The following TMTC1 variants were observed in gnomAD, a reference collection of about 807,000 sequenced individuals.
The protein encoded by TMTC1 is protein O-mannosyl-transferase TMTC1.
Under a neutral mutation model 104.8 loss-of-function variants are expected in TMTC1, and 73 were observed. That is an observed-to-expected ratio of 0.70 (90% CI 0.58 to 0.85). TMTC1 has a LOEUF of 0.85. Ranked by LOEUF, TMTC1 falls within the 40% of genes least tolerant of loss-of-function variation. The pLI is 0.00. For missense variants in TMTC1, 1,035 were observed against 1,096.1 expected (o/e 0.94, Z 0.79); for synonymous variants, 434 against 428.7 (o/e 1.01, Z -0.15).
intron 6 of TMTC1, among the ~76,000 whole-genome samples, chr12:29,616,317 G>A (rs1030255881): frequency 1.1e-4 from 16 of 152,088 alleles, no homozygotes; most frequent in Non-Finnish European, 1.6e-4. Context: ...AAAAATCAAC[G>A]CGCTCTCTGG....
At chr12:29,710,351 T>C (rs1941867024) in intron 5 of TMTC1, among the ~76,000 whole-genome samples, 1 of 151,970 alleles carries the variant, frequency 6.6e-6, no homozygotes, top group African/African-American at 2.4e-5. Flanking sequence ...GGCTGCTCTT[T>C]CCTTGCAGCC....
chr12:29,617,533 C>T (rs974705765), intron 6 of TMTC1, among the ~76,000 whole-genome samples: 2 of 120,380 alleles, frequency 1.7e-5, no homozygotes, highest in African/African-American at 3.3e-5. Context: ...GCAAAACAGA[C>T]AACAGAGAGA....
chr12:29,647,577 C>T (rs989714045), intron 5 of TMTC1, among the ~76,000 whole-genome samples: 10 of 152,078 alleles, frequency 6.6e-5, no homozygotes, highest in Non-Finnish European at 1.3e-4. Flanking sequence ...AACCATCAAC[C>T]GAAATGGAAA....
chr12:29,584,441 T>A (rs11050305), intron 7 of TMTC1, among the ~76,000 whole-genome samples: 59,691 of 151,640 alleles, frequency 0.39, 12,423 homozygotes, highest in African/African-American at 0.53. Context: ...TTCTTTTTTT[T>A]AAATTTTATT....
chr12:29,775,866 C>A (rs762658778), intron 1 of TMTC1, among the ~76,000 whole-genome samples: 1 of 152,102 alleles, frequency 6.6e-6, no homozygotes, highest in Non-Finnish European at 1.5e-5. Context: ...AGGAGCCCAC[C>A]ATGAGTCAAC....
chr12:29,637,728 A>G (rs4931207), intron 5 of TMTC1, among the ~76,000 whole-genome samples: 125,858 of 152,150 alleles, frequency 0.83, 52,111 homozygotes, highest in East Asian at 0.95. Flanking sequence ...TCTCTGCCTC[A>G]GCAAAAACCT....
chr12:29,735,178 T>C (rs1159841077), intron 5 of TMTC1, among the ~76,000 whole-genome samples: 1 of 152,242 alleles, frequency 6.6e-6, no homozygotes, highest in Non-Finnish European at 1.5e-5. Flanking sequence ...ATTCTTTAAG[T>C]AGGTGCTATC....
intron 5 of TMTC1, 53 bp from the exon 6 acceptor site, chr12:29,633,389 G>A (rs1938397289): frequency 3.5e-6 from 5 of 1,445,992 alleles, no homozygotes; most frequent in Admixed American, 2.0e-5. Flanking sequence ...ATGACATTCT[G>A]TAAGCGTTCA....
chr12:29,603,886 C>T (rs1946629072), intron 7 of TMTC1, among the ~76,000 whole-genome samples: 1 of 152,168 alleles, frequency 6.6e-6, no homozygotes. Flanking sequence ...CCCATTTAGA[C>T]ATAGATGTAG....
At chr12:29,509,260 T>C (rs1252498648) in intron 17 of TMTC1, among the ~76,000 whole-genome samples, 1 of 152,246 alleles carries the variant, frequency 6.6e-6, no homozygotes, top group Admixed American at 6.5e-5. Context: ...TCTTTGATGA[T>C]AAAAAATGTA....
At chr12:29,681,605 C>T (rs1236993150) in intron 5 of TMTC1, among the ~76,000 whole-genome samples, 3 of 152,146 alleles carry the variant, frequency 2.0e-5, no homozygotes, top group Non-Finnish European at 4.4e-5. Flanking sequence ...CACACATCAA[C>T]TGACATCATA....
At position 29,650,147 on chromosome 12, in the gene TMTC1, G is replaced by A. The variant is rs543139289; in HGVS notation, c.939-16811C>T. Among the ~76,000 whole-genome samples the A allele has an allele frequency of 4.0e-5, 6 of 149,820 alleles. No homozygotes were observed. In the East Asian group the frequency reaches 7.9e-4, roughly 20 times the overall value. ...TGCCCAGGCTGAAGTGCAGTGGCACGATCTCAGCTCACTGCAACCTCTGCC... is the reference window on the plus strand; with the variant it reads ...TGCCCAGGCTGAAGTGCAGTGGCACAATCTCAGCTCACTGCAACCTCTGCC... On this transcript the variant is annotated intron_variant, in intron 5 of 17. Coordinates refer to ENST00000539277, the MANE Select transcript of TMTC1 (RefSeq NM_001193451.2).
chr12:29,722,863 G>A lies in TMTC1; in HGVS notation c.938+28803C>T, dbSNP rs1942274232. 2.7e-5 allele frequency among the ~76,000 whole-genome samples: 4 copies of A among 147,068 alleles called. No individual in the cohort carries two copies. In the Admixed American group the frequency reaches 2.9e-4, roughly 11 times the overall value. The stretch of plus-strand genomic sequence containing the variant: ...TTGAACCCGGGAGGCAGAGGTTGCA[G>A]TGAGCTGAGATCGCACCATTGCATT... On this transcript the variant is annotated intron_variant, in intron 5 of 17. Transcript: ENST00000539277.
chr12:29,629,357 G>A (rs1938177657), intron 6 of TMTC1, among the ~76,000 whole-genome samples: 1 of 151,812 alleles, frequency 6.6e-6, no homozygotes, highest in Non-Finnish European at 1.5e-5. Flanking sequence ...TGACCTGGAA[G>A]TGCCTCCACC....
chr12:29,649,540 T>G (rs1216720697), intron 5 of TMTC1, among the ~76,000 whole-genome samples: 1 of 152,248 alleles, frequency 6.6e-6, no homozygotes, highest in Non-Finnish European at 1.5e-5. Context: ...CTCACCACCC[T>G]TCTAGAGAAG....
chr12:29,578,654 G>C (rs1945890731), intron 8 of TMTC1, among the ~76,000 whole-genome samples: 1 of 152,072 alleles, frequency 6.6e-6, no homozygotes, highest in African/African-American at 2.4e-5. Flanking sequence ...TGGAAGACTT[G>C]ATAAATAACA....
chr12:29,580,731 A>G (rs1237693363), intron 8 of TMTC1, among the ~76,000 whole-genome samples: 2 of 152,102 alleles, frequency 1.3e-5, no homozygotes, highest in African/African-American at 4.8e-5. Context: ...CTCCTCTTTT[A>G]ATACTCAGCT....
intron 11 of TMTC1, chr12:29,529,721 T>G (rs1944447327): frequency 6.6e-6 from 1 of 152,226 alleles, no homozygotes; most frequent in African/African-American, 2.4e-5. Flanking sequence ...ATGTCATCAG[T>G]ATGAGCATTT....
chr12:29,517,426 C>T lies in TMTC1; in HGVS notation c.2169+1G>A. 6.2e-7 allele frequency: 1 copy of T among 1,614,064 alleles called. No individual in the cohort carries two copies. The highest frequency in any genetic ancestry group is 8.5e-7 in the Non-Finnish European group (1 of 1,180,008). ...GCTTCATTTTCTTTCATCCTACTCACCAGTGCCAAGCGGAGCTCCCTCTGA... is the reference window on the plus strand; with the variant it reads ...GCTTCATTTTCTTTCATCCTACTCATCAGTGCCAAGCGGAGCTCCCTCTGA... On this transcript the variant is annotated splice_donor_variant, in intron 14 of 17. Coordinates refer to ENST00000539277, the MANE Select transcript of TMTC1 (RefSeq NM_001193451.2). LOFTEE classifies it high-confidence loss of function.
Sources: gnomAD v4.1 joint callset for allele counts (sites outside exome capture counted in the v4.1 genomes callset) on GRCh38, gnomAD v4.1.1 for gene constraint, MANE v1.5 for transcripts, NCBI Gene and HGNC (gene_info 2026-07-23, HGNC 2026-07-21) for gene names.